Variants in BPNT2 observed in about 807,000 individuals in gnomAD.
The protein encoded by BPNT2 is 3'(2'), 5'-bisphosphate nucleotidase 2.
A neutral mutation model predicts 29.3 loss-of-function variants in BPNT2; 11 were observed. That is an observed-to-expected ratio of 0.38 (90% CI 0.24 to 0.62). The LOEUF (loss-of-function observed/expected upper bound fraction) is 0.62. BPNT2 is among the 20% of genes least tolerant of loss of function. BPNT2 has a pLI of 0.62. For synonymous variants in BPNT2, 195 were observed against 187.7 expected, an observed-to-expected ratio of 1.04 and a Z score of -0.32; for missense variants, 459 against 473.4, an observed-to-expected ratio of 0.97 and a Z score of 0.28.
chr8:56,970,401 T>C (rs1444793674), intron 3 of BPNT2, among the ~76,000 whole-genome samples: 1 of 152,116 alleles, frequency 6.6e-6, no homozygotes, highest in Non-Finnish European at 1.5e-5. Context: ...ATGACACCCT[T>C]TGGAAACAAT....
rs1376629989 is a variant in BPNT2, at chr8:56,959,603, T to TA, written c.*4189dup. ...TAACAGCACACTGAAATAATTTATT[T>TA]AAAACTAAGATTTGTAAAACTGTGA... On this transcript the variant is annotated 3_prime_UTR_variant, in exon 5 of 5. Transcript: ENST00000262644. 6.6e-6 allele frequency: 1 copy of TA among 152,206 alleles called. No homozygotes were observed. Among genetic ancestry groups the TA allele is most frequent in the African/African-American group, 2.4e-5 (1 of 41,448 alleles). The allele number at this position is 152,206 out of a possible 1,614,324, so 9.4% of individuals were successfully genotyped here. A position where few individuals can be genotyped will look rare whatever the true frequency, so the allele number is the denominator to read the frequency against.
intron 3 of BPNT2, among the ~76,000 whole-genome samples, chr8:56,973,045 C>T (rs377581264): frequency 2.6e-5 from 4 of 152,064 alleles, no homozygotes; most frequent in African/African-American, 9.7e-5. Flanking sequence ...GATAAAACAC[C>T]AGCTGCTTGC....
intron 3 of BPNT2, among the ~76,000 whole-genome samples, chr8:56,972,036 A>G (rs1563407024): frequency 1.3e-5 from 2 of 151,554 alleles, no homozygotes; most frequent in Non-Finnish European, 2.9e-5. Context: ...TGGAGCCTGC[A>G]GTGGGCTGAG....
At chr8:56,984,188 G>C (rs1247055295) in intron 1 of BPNT2, among the ~76,000 whole-genome samples, 3 of 152,198 alleles carry the variant, frequency 2.0e-5, no homozygotes, top group Non-Finnish European at 1.5e-5. Flanking sequence ...ACTTGCAGCT[G>C]AGTATGAGCG....
intron 1 of BPNT2, among the ~76,000 whole-genome samples, chr8:56,989,243 G>A (rs1026215728): frequency 1.3e-5 from 2 of 151,956 alleles, no homozygotes; most frequent in Non-Finnish European, 2.9e-5. Flanking sequence ...CGTGGTGGCG[G>A]CACCTGTAGT....
At chr8:56,970,743 A>G (rs1310670869) in intron 3 of BPNT2, among the ~76,000 whole-genome samples, 2 of 152,206 alleles carry the variant, frequency 1.3e-5, no homozygotes, top group Non-Finnish European at 2.9e-5. Context: ...AATGTTTATT[A>G]TGATCCTTAT....
At chr8:56,979,175 T>C (rs912953540) in intron 2 of BPNT2, among the ~76,000 whole-genome samples, 18 of 152,190 alleles carry the variant, frequency 1.2e-4, no homozygotes, top group African/African-American at 4.3e-4. Flanking sequence ...CTGAATGTCC[T>C]TGAGTAAATT....
intron 1 of BPNT2, among the ~76,000 whole-genome samples, chr8:56,986,112 T>C (rs1206894643): frequency 2.0e-5 from 3 of 152,230 alleles, no homozygotes; most frequent in Non-Finnish European, 4.4e-5. Flanking sequence ...CAGTCTTTCC[T>C]GACTAATGCA....
chr8:56,985,573 C>G (rs1332172210), intron 1 of BPNT2, among the ~76,000 whole-genome samples: 1 of 152,200 alleles, frequency 6.6e-6, no homozygotes, highest in Non-Finnish European at 1.5e-5. Flanking sequence ...TAAAAAGGTT[C>G]TAGAAATCAG....
rs1805783541 is a variant in BPNT2 at position 56,958,954 on chromosome 8, T to C, written c.*4839A>G. On this transcript the variant is annotated 3_prime_UTR_variant, in exon 5 of 5. Coordinates refer to ENST00000262644, the MANE Select transcript of BPNT2 (RefSeq NM_017813.5). ...TGAAATATTTTTTGGTTAATTGATG[T>C]AATGATGACTCACTATGCCTTATTT... 1 of 152,234 alleles carries C rather than the reference T, an allele frequency of 6.6e-6. No homozygotes were observed. Among genetic ancestry groups the C allele is most frequent in the Admixed American group, 6.5e-5 (1 of 15,288 alleles). The allele number at this position is 152,234 out of a possible 1,614,324, so 9.4% of individuals were successfully genotyped here. A position where few individuals can be genotyped will look rare whatever the true frequency, so the allele number is the denominator to read the frequency against.
chr8:56,977,842 T>C (rs1180986428), intron 3 of BPNT2, among the ~76,000 whole-genome samples: 1 of 152,162 alleles, frequency 6.6e-6, no homozygotes, highest in Non-Finnish European at 1.5e-5. Flanking sequence ...TCCCTTACAG[T>C]TTCAGCACCA....
chr8:56,993,597 C>T lies in BPNT2; in HGVS notation c.-12G>A. ...CCCATGGGGGCCATGGCGTGGGAAG[C>T]CGGGCGCTCCGGGCTGCGGCTCTCA... On this transcript the variant is annotated 5_prime_UTR_variant, in exon 1 of 5. Coordinates refer to ENST00000262644, the MANE Select transcript of BPNT2 (RefSeq NM_017813.5). The T allele has an allele frequency of 2.8e-6, 4 of 1,414,708 alleles. No homozygotes were observed. The South Asian group carries it at 4.6e-5, about 16-fold the overall frequency. The allele number at this position is 1,414,708 out of a possible 1,614,324, so 87.6% of individuals were successfully genotyped here.
chr8:56,958,643 T>G lies in BPNT2; in HGVS notation c.*5150A>C, dbSNP rs1046914335. On this transcript the variant is annotated 3_prime_UTR_variant, in exon 5 of 5. Coordinates refer to ENST00000262644, the MANE Select transcript of BPNT2 (RefSeq NM_017813.5). ...AGTATGAAGAGGCAAGAACATAGATTGAAAACTCCATTTCCTAGTTTTAGT... is the reference window on the plus strand; with the variant it reads ...AGTATGAAGAGGCAAGAACATAGATGGAAAACTCCATTTCCTAGTTTTAGT... The G allele has an allele frequency of 1.3e-5, 2 of 152,212 alleles. No individual in the cohort carries two copies. The highest frequency in any genetic ancestry group is 4.8e-5 in the African/African-American group (2 of 41,466). 9.4% of individuals were successfully genotyped at this position (152,212 alleles called of 1,614,324 possible). A position where few individuals can be genotyped will look rare whatever the true frequency, so the allele number is the denominator to read the frequency against.
chr8:56,961,980 G>A lies in BPNT2; in HGVS notation c.*1813C>T, dbSNP rs1033927665. On this transcript the variant is annotated 3_prime_UTR_variant, in exon 5 of 5. Transcript: ENST00000262644. ...ACTTTGACATACTATAATAAAAACA[G>A]ATGCTTATACCACAGGACTCTGGCA... The A allele has an allele frequency of 3.9e-5, 6 of 152,226 alleles. No individual in the cohort carries two copies. Among genetic ancestry groups the A allele is most frequent in the Non-Finnish European group, 7.4e-5 (5 of 68,018 alleles). The allele number at this position is 152,226 out of a possible 1,614,324, so 9.4% of individuals were successfully genotyped here.
intron 1 of BPNT2, among the ~76,000 whole-genome samples, chr8:56,983,788 C>G (rs1806284324): frequency 6.6e-6 from 1 of 151,624 alleles, no homozygotes; most frequent in African/African-American, 2.4e-5. Flanking sequence ...GGAAACTGGA[C>G]AAGGCATTTC....
chr8:56,982,575 T>C (rs1806262491), intron 1 of BPNT2, among the ~76,000 whole-genome samples: 1 of 152,114 alleles, frequency 6.6e-6, no homozygotes, highest in Non-Finnish European at 1.5e-5. Flanking sequence ...GAGACAAAAA[T>C]TTCTGCCCTG....
At position 56,992,021 on chromosome 8, in the gene BPNT2, A is replaced by G. The variant is rs1201216193; in HGVS notation, c.387+1178T>C. 2.0e-5 allele frequency among the ~76,000 whole-genome samples: 3 copies of G among 152,236 alleles called. No homozygotes were observed. In the East Asian group the frequency reaches 5.8e-4, roughly 29 times the overall value. ...GGTATCCAGTAGCTCATGTTAGGAA[A>G]TACAATGTTCCTTTCCACTGGAAAA... is the stretch of plus-strand genomic sequence containing the variant. On this transcript the variant is annotated intron_variant, in intron 1 of 4. Coordinates refer to ENST00000262644, the MANE Select transcript of BPNT2 (RefSeq NM_017813.5).
chr8:56,967,262 T>C (rs73683605), intron 3 of BPNT2: 404 of 456,300 alleles, frequency 8.9e-4, no homozygotes, highest in African/African-American at 7.2e-3. Context: ...TTTGGGTTTC[T>C]GAGTTCCCCA....
At chr8:56,980,363 A>G (rs1806219605) in intron 1 of BPNT2, among the ~76,000 whole-genome samples, 166 bp from the exon 2 acceptor site, 1 of 152,210 alleles carries the variant, frequency 6.6e-6, no homozygotes. Context: ...AAATGAAAAA[A>G]AAAAATCCAT....
Sources: gnomAD v4.1 joint callset for allele counts (sites outside exome capture counted in the v4.1 genomes callset) on GRCh38, gnomAD v4.1.1 for gene constraint, MANE v1.5 for transcripts, NCBI Gene and HGNC (gene_info 2026-07-23, HGNC 2026-07-21) for gene names.